Variants in SRL observed in about 807,000 individuals in gnomAD.
The protein encoded by SRL is sarcalumenin.
A neutral mutation model predicts 39.5 loss-of-function variants in SRL; 23 were observed. The observed-to-expected ratio is 0.58, with a 90% CI of 0.42 to 0.82. The LOEUF is 0.82. Ranked by LOEUF, SRL falls within the 40% of genes least tolerant of loss-of-function variation. The pLI, the probability that SRL is intolerant of heterozygous loss-of-function variation, is 0.00. For missense variants in SRL, 592 were observed against 607.8 expected (o/e 0.97, Z 0.27); for synonymous variants, 272 against 237.4 (o/e 1.15, Z -1.34).
chr16:4,189,683 A>C lies in SRL; in HGVS notation c.*2470T>G, dbSNP rs1425523345. The C allele has an allele frequency of 6.6e-6, 1 of 152,416 alleles. No homozygotes were observed. The highest frequency in any genetic ancestry group is 1.5e-5 in the Non-Finnish European group (1 of 68,200). 9.4% of individuals were successfully genotyped at this position (152,416 alleles called of 1,614,324 possible). A position where few individuals can be genotyped will look rare whatever the true frequency, so the allele number is the denominator to read the frequency against. The stretch of plus-strand genomic sequence containing the variant: ...AAAAGGAAAACATGACGGAAAGAAA[A>C]GCCCAAGGCAGGGAGAGCATGCTGA... On this transcript the variant is annotated 3_prime_UTR_variant, in exon 6 of 6. Coordinates refer to ENST00000399609, the MANE Select transcript of SRL (RefSeq NM_001098814.2).
intron 1 of SRL, among the ~76,000 whole-genome samples, chr16:4,241,241 G>A (rs1353199932): frequency 6.6e-6 from 1 of 152,138 alleles, no homozygotes; most frequent in East Asian, 1.9e-4. Context: ...AGGAACAAGA[G>A]AGGTGGCAAA....
Position 4,192,230 on chromosome 16 carries a change from C to T in SRL, c.1345G>A (p.Gly449Arg), listed in dbSNP as rs765108661. 9 of 1,608,914 alleles carry T rather than the reference C, an allele frequency of 5.6e-6. No homozygotes were observed. Among genetic ancestry groups the T allele is most frequent in the African/African-American group, 5.4e-5 (4 of 74,578 alleles). The change falls in exon 6 of 6, where the codon GGG (glycine) becomes AGG (arginine). Residue 449 changes from glycine (G) to arginine (R), a missense_variant. Gly to Arg is a moderately radical substitution (Grantham distance 125, BLOSUM62 -2). Coordinates refer to ENST00000399609, the MANE Select transcript of SRL (RefSeq NM_001098814.2). This position sits in a 1 kb window ranked among gnomAD's most constrained non-coding sequence, Gnocchi z 4.0. ...CAGTTGAGAGCACCTGGATTCTTCCCGAGCCCGAGGCTACCCAGGAGGCCC... is the reference window on the plus strand; with the variant it reads ...CAGTTGAGAGCACCTGGATTCTTCCTGAGCCCGAGGCTACCCAGGAGGCCC... ...LPGLLGSLGL[G>R]KNPGALNCDK...
Position 4,192,077 on chromosome 16 carries a change from T to C in SRL, c.*76A>G. ...ATTCCTGCCAGTGTGGCTCAAAGGGTTAATAAACCAGGACCTCTCAGACAG... is the reference window on the plus strand; with the variant it reads ...ATTCCTGCCAGTGTGGCTCAAAGGGCTAATAAACCAGGACCTCTCAGACAG... On this transcript the variant is annotated 3_prime_UTR_variant, in exon 6 of 6. Coordinates refer to ENST00000399609, the MANE Select transcript of SRL (RefSeq NM_001098814.2). This position sits in a 1 kb window ranked among gnomAD's most constrained non-coding sequence, Gnocchi z 4.0. The C allele has an allele frequency of 6.9e-7, 1 of 1,443,302 alleles. No individual in the cohort carries two copies. The highest frequency in any genetic ancestry group is 9.4e-7 in the Non-Finnish European group (1 of 1,068,370). 89.4% of individuals were successfully genotyped at this position (1,443,302 alleles called of 1,614,324 possible).
intron 1 of SRL, among the ~76,000 whole-genome samples, chr16:4,213,752 G>C (rs560395688): frequency 2.6e-5 from 4 of 152,080 alleles, no homozygotes; most frequent in African/African-American, 9.7e-5. Context: ...CTCTCAGCTG[G>C]GTCATCTCCT....
chr16:4,199,759 C>G (rs1178218713), intron 3 of SRL, among the ~76,000 whole-genome samples: 1 of 142,098 alleles, frequency 7.0e-6, no homozygotes. Context: ...TGCAGTGGCA[C>G]AATCTCAGCT....
In SRL at chr16:4,237,306, T is replaced by C. The variant is rs17136927; in HGVS notation, c.61+4701A>G. Among the ~76,000 whole-genome samples, 849 of 152,236 alleles carry C rather than the reference T, an allele frequency of 5.6e-3. 3 individuals are homozygous for C. Among genetic ancestry groups the C allele is most frequent in the African/African-American group, 0.019 (788 of 41,536 alleles). The stretch of plus-strand genomic sequence containing the variant: ...CCAGTCTATTTTTCTGGCAAGATCA[T>C]TCTCCCAGTGACCTCAATGGAACCT... On this transcript the variant is annotated intron_variant, in intron 1 of 5. Transcript: ENST00000399609.
intron 1 of SRL, among the ~76,000 whole-genome samples, chr16:4,217,120 C>G (rs373156905): frequency 1.3e-5 from 2 of 152,160 alleles, no homozygotes; most frequent in East Asian, 1.9e-4. Context: ...GGGTGTGACA[C>G]CTTCCCTAGC....
chr16:4,239,749 C>G (rs532707056), intron 1 of SRL: 2 of 152,584 alleles, frequency 1.3e-5, no homozygotes, highest in Non-Finnish European at 2.9e-5. Flanking sequence ...TGTCTGACCT[C>G]GGAAAAGTTT....
At chr16:4,211,333 T>A (rs2141043285) in intron 1 of SRL, among the ~76,000 whole-genome samples, 1 of 152,344 alleles carries the variant, frequency 6.6e-6, no homozygotes, top group East Asian at 1.9e-4. Flanking sequence ...TCCTAGGGCC[T>A]GGCATTTGCC....
At chr16:4,215,191 CT>C in intron 1 of SRL, among the ~76,000 whole-genome samples, 1 of 152,336 alleles carries the variant, frequency 6.6e-6, no homozygotes, top group Non-Finnish European at 1.5e-5. Flanking sequence ...CCCTGAGGTC[CT>C]CTTCTGCCAT....
In SRL at chr16:4,192,449, C is replaced by T. The variant is rs746174970; in HGVS notation, c.1126G>A (p.Asp376Asn). 10 of 1,614,072 alleles carry T rather than the reference C, an allele frequency of 6.2e-6. No homozygotes were observed. The highest frequency in any genetic ancestry group is 5.0e-5 in the Admixed American group (3 of 59,994). Residue 376 changes from aspartate to asparagine, a missense_variant, in exon 6 of 6, where the codon GAT (aspartate) becomes AAT (asparagine). Transcript: ENST00000399609. This position sits in a 1 kb window ranked among gnomAD's most constrained non-coding sequence, Gnocchi z 4.0. ...LVFKDIVEDPDKFYIFKTILA... is the reference protein window; with the variant it reads ...LVFKDIVEDPNKFYIFKTILA... ...ATGGTCTTGAAGATGTAGAATTTAT[C>T]GGGATCTTCCACAATGTCCTTAAAG... is the stretch of plus-strand genomic sequence containing the variant.
intron 1 of SRL, among the ~76,000 whole-genome samples, chr16:4,227,199 T>C (rs1423654565): frequency 2.0e-5 from 3 of 149,922 alleles, no homozygotes; most frequent in South Asian, 4.3e-4. Flanking sequence ...GACGGACAGA[T>C]AGATGGGTGG....
At chr16:4,202,454 G>A (rs975216080) in intron 3 of SRL, among the ~76,000 whole-genome samples, 22 of 152,006 alleles carry the variant, frequency 1.4e-4, no homozygotes, top group South Asian at 6.2e-4. Flanking sequence ...TTGGCCAGGC[G>A]TGGTGGCAGG....
intron 1 of SRL, among the ~76,000 whole-genome samples, chr16:4,216,282 T>C (rs983001261): frequency 2.0e-5 from 3 of 152,176 alleles, no homozygotes; most frequent in Admixed American, 2.0e-4. Context: ...TTTATGTATT[T>C]ATTTATTTTT....
At chr16:4,203,319 T>G in intron 2 of SRL, 58 bp from the exon 3 acceptor site, 7 of 1,487,078 alleles carry the variant, frequency 4.7e-6, no homozygotes, top group African/African-American at 1.4e-5. Context: ...AGGCAGCTCC[T>G]CCATTGTGGA....
At chr16:4,203,008 G>GCCCAGA (rs1190526626) in intron 3 of SRL, among the ~76,000 whole-genome samples, 158 bp downstream of exon 3, 1 of 152,246 alleles carries the variant, frequency 6.6e-6, no homozygotes, top group East Asian at 1.9e-4. Flanking sequence ...CCCAGGGGGA[G>GCCCAGA]CCCAGACCCA....
At chr16:4,194,113 A>G (rs923500951) in intron 5 of SRL, among the ~76,000 whole-genome samples, 6 of 152,236 alleles carry the variant, frequency 3.9e-5, no homozygotes, top group African/African-American at 1.4e-4. Flanking sequence ...CTCACTGCAG[A>G]CAGCCTTGCC....
intron 5 of SRL, among the ~76,000 whole-genome samples, chr16:4,193,943 TATA>T (rs1224433609): frequency 2.4e-4 from 36 of 150,098 alleles, no homozygotes; most frequent in African/African-American, 8.3e-4. Flanking sequence ...TTAAATATAC[TATA>T]ATATTATTAC....
intron 1 of SRL, among the ~76,000 whole-genome samples, chr16:4,218,280 T>C (rs1427122208): frequency 6.6e-6 from 1 of 152,160 alleles, no homozygotes; most frequent in African/African-American, 2.4e-5. Flanking sequence ...AGACCCATTC[T>C]AAGGGCCACG....
Sources: gnomAD v4.1 joint callset for allele counts (sites outside exome capture counted in the v4.1 genomes callset) on GRCh38, gnomAD v4.1.1 for gene constraint, Gnocchi (gnomAD v3.1) non-coding constraint, MANE v1.5 for transcripts, NCBI Gene and HGNC (gene_info 2026-07-23, HGNC 2026-07-21) for gene names.